Variants in PCDHA3 observed in about 807,000 individuals in gnomAD.
PCDHA3 encodes the protein protocadherin alpha 3, also known as protocadherin alpha-3.
Under a neutral mutation model 62.2 loss-of-function variants are expected in PCDHA3, and 41 were observed. The ratio of observed to expected loss-of-function variants is 0.66; its 90% CI spans 0.51 to 0.86. The LOEUF (loss-of-function observed/expected upper bound fraction) is 0.86. Among genes scored for constraint, PCDHA3 ranks in the 40% least tolerant of loss-of-function variants. PCDHA3 has a pLI of 0.00. For synonymous variants in PCDHA3, 640 were observed against 555.4 expected (o/e 1.15, Z -2.14); for missense variants, 1,304 against 1,241.2 (o/e 1.05, Z -0.76).
chr5:140,837,614 C>A (rs188278547), intron 1 of PCDHA3, among the ~76,000 whole-genome samples: 1 of 147,776 alleles, frequency 6.8e-6, no homozygotes, highest in East Asian at 2.0e-4. Flanking sequence ...TTATAATTTG[C>A]CCCTTCCTTC....
Position 140,801,753 on chromosome 5 carries a change from G to A in PCDHA3, c.556G>A (p.Asp186Asn). 5.0e-6 allele frequency: 8 copies of A among 1,613,964 alleles called. No individual in the cohort carries two copies. The highest frequency in any genetic ancestry group is 6.8e-6 in the Non-Finnish European group (8 of 1,179,998). ...TTTTACCTTGGACGTTAAAAGAAATGATGAGGAAATTAAATCCCTTGGACT... is the reference window on the plus strand; with the variant it reads ...TTTTACCTTGGACGTTAAAAGAAATAATGAGGAAATTAAATCCCTTGGACT... ...EYFTLDVKRN[D>N]EEIKSLGLVL... The change falls in exon 1 of 4, where the codon GAT (aspartate) becomes AAT (asparagine). Residue 186 changes from aspartate (D) to asparagine (N), a missense_variant. By Grantham distance (23) the Asp-to-Asn change is conservative (BLOSUM62 1). Transcript: ENST00000522353.
At chr5:140,970,247 C>T (rs551216649) in intron 1 of PCDHA3, among the ~76,000 whole-genome samples, 1 of 152,290 alleles carries the variant, frequency 6.6e-6, no homozygotes, top group East Asian at 1.9e-4. Context: ...TTTCTGTTGA[C>T]AGTTTCTATG....
intron 1 of PCDHA3, chr5:140,863,140 C>T: frequency 1.6e-6 from 1 of 606,732 alleles, no homozygotes; most frequent in Non-Finnish European, 3.2e-6. Flanking sequence ...CCTGCTGGTG[C>T]TGGTGAAGGA....
chr5:140,902,859 A>G (rs964505072), intron 1 of PCDHA3, among the ~76,000 whole-genome samples: 18 of 152,208 alleles, frequency 1.2e-4, no homozygotes, highest in African/African-American at 4.3e-4. Context: ...AATGGCGTCC[A>G]GGTCCACCCA....
intron 1 of PCDHA3, among the ~76,000 whole-genome samples, chr5:140,872,990 A>G (rs987650775): frequency 1.1e-4 from 17 of 152,184 alleles, no homozygotes; most frequent in African/African-American, 3.6e-4. Flanking sequence ...AAGATCATTT[A>G]CTTCTGAGTC....
chr5:140,969,311 G>A (rs2096317598), intron 1 of PCDHA3: 2 of 1,614,050 alleles, frequency 1.2e-6, no homozygotes, highest in Non-Finnish European at 1.7e-6. Context: ...TCTCAAAAAT[G>A]AGGCTGTTTC....
chr5:140,860,639 G>A (rs2046488038), intron 1 of PCDHA3: 1 of 152,224 alleles, frequency 6.6e-6, no homozygotes, highest in Non-Finnish European at 1.5e-5. Flanking sequence ...AATCAGGAAC[G>A]AAGAAGATAA....
At chr5:140,927,760 A>G in intron 1 of PCDHA3, 1 of 1,614,206 alleles carries the variant, frequency 6.2e-7, no homozygotes, top group Non-Finnish European at 8.5e-7. Context: ...GCACCCTAAA[A>G]GTGGGGAGGT....
chr5:140,870,480 C>T, intron 1 of PCDHA3: 1 of 1,614,236 alleles, frequency 6.2e-7, no homozygotes, highest in Non-Finnish European at 8.5e-7. Context: ...AGCCCGAGTA[C>T]ACCGTGTTCG....
chr5:140,871,290 C>A (rs1554165387), intron 1 of PCDHA3: 2 of 1,613,900 alleles, frequency 1.2e-6, no homozygotes, highest in Non-Finnish European at 1.7e-6. Context: ...CCACTGAGGG[C>A]GCGTGCGCGC....
At chr5:140,969,610 GA>G in intron 1 of PCDHA3, 1 of 723,542 alleles carries the variant, frequency 1.4e-6, no homozygotes, top group East Asian at 2.8e-5. Context: ...CTAAAACACA[GA>G]TTTGTAGAGA....
chr5:140,867,455 GTGTTATGACAACAT>G (rs1181061872), intron 1 of PCDHA3: 1 of 152,006 alleles, frequency 6.6e-6, no homozygotes, highest in East Asian at 1.9e-4. Flanking sequence ...TAGAGTTCTA[GTGTTATGACAACAT>G]TGGGAAAAGA....
chr5:140,889,108 T>C (rs553126619), intron 1 of PCDHA3, among the ~76,000 whole-genome samples: 3 of 151,936 alleles, frequency 2.0e-5, no homozygotes, highest in Admixed American at 1.3e-4. Context: ...TCATCTTTAT[T>C]CCAGGTGATA....
intron 1 of PCDHA3, chr5:140,967,045 C>T: frequency 6.2e-7 from 1 of 1,612,250 alleles, no homozygotes. Flanking sequence ...TGGAGCTGGA[C>T]CTGACGAGTG....
At position 140,801,493 on chromosome 5, in the gene PCDHA3, G is replaced by T; in HGVS notation, c.296G>T (p.Ser99Ile). The change falls in exon 1 of 4, where the codon AGC becomes ATC. Residue 99 changes from serine to isoleucine, a missense_variant. By Grantham distance (142) the Ser-to-Ile change is moderately radical. Transcript: ENST00000522353. Reference protein sequence around the residue: ...RIDREELCGRSAECSIHLEVI... With the variant: ...RIDREELCGRIAECSIHLEVI... ...GACCGCGAGGAACTGTGCGGGCGGA[G>T]CGCGGAGTGCAGCATCCACCTGGAG... 6.2e-7 allele frequency: 1 copy of T among 1,614,184 alleles called. No individual in the cohort carries two copies. The highest frequency in any genetic ancestry group is 8.5e-7 in the Non-Finnish European group (1 of 1,180,050).
chr5:140,871,211 T>A (rs781784103), intron 1 of PCDHA3: 1 of 1,613,724 alleles, frequency 6.2e-7, no homozygotes, highest in Non-Finnish European at 8.5e-7. Flanking sequence ...ATCATCGCCA[T>A]CTGCGTGGTG....
chr5:140,929,437 A>G (rs533186503), intron 1 of PCDHA3: 1 of 1,453,986 alleles, frequency 6.9e-7, no homozygotes, highest in Non-Finnish European at 9.2e-7. Context: ...TGAACTAAAC[A>G]CTCCTTCTTA....
intron 1 of PCDHA3, chr5:140,828,472 C>T (rs1554131328): frequency 1.9e-6 from 3 of 1,614,216 alleles, no homozygotes; most frequent in African/African-American, 1.3e-5. Flanking sequence ...GGGACATTAA[C>T]GACAACCCGC....
rs781906273 is a variant in PCDHA3, at chr5:140,869,410, A to G, written c.2394+65819A>G. The G allele has an allele frequency of 3.7e-6, 6 of 1,614,082 alleles. No individual in the cohort carries two copies. The East Asian group carries it at 1.1e-4, about 30-fold the overall frequency. ...GCTGTGCGGGCAGAGCGCGGAGTGCAGCATCCACCTGGAGGTGATCGTGGA... is the reference window on the plus strand; with the variant it reads ...GCTGTGCGGGCAGAGCGCGGAGTGCGGCATCCACCTGGAGGTGATCGTGGA... On this transcript the variant is annotated intron_variant, in intron 1 of 3. Transcript: ENST00000522353.
Sources: allele counts gnomAD v4.1 joint callset (sites outside exome capture counted in the v4.1 genomes callset), GRCh38; gene constraint gnomAD v4.1.1; transcripts MANE v1.5; gene names NCBI Gene and HGNC (gene_info 2026-07-23, HGNC 2026-07-21).